GRIA2: variants seen among roughly 807,000 people sequenced by gnomAD.
GRIA2 encodes the protein glutamate ionotropic receptor AMPA type subunit 2.
Under a neutral mutation model 97.3 loss-of-function variants are expected in GRIA2, and 14 were observed. That is an observed-to-expected ratio of 0.14 (90% CI 0.10 to 0.23). The LOEUF is 0.23. GRIA2 is among the 10% of genes least tolerant of loss of function. GRIA2 has a pLI of 1.00. For synonymous variants in GRIA2, 412 were observed against 387.8 expected, an observed-to-expected ratio of 1.06 and a Z score of -0.73; for missense variants, 558 against 1,069.8, an observed-to-expected ratio of 0.52 and a Z score of 6.67.
At chr4:157,347,448 A>G (rs1735810919) in intron 12 of GRIA2, among the ~76,000 whole-genome samples, 1 of 152,316 alleles carries the variant, frequency 6.6e-6, no homozygotes, top group East Asian at 1.9e-4. Context: ...ATTCCTTTTC[A>G]TACCAATAGC....
intron 2 of GRIA2, among the ~76,000 whole-genome samples, chr4:157,273,750 G>T (rs1365598109): frequency 6.6e-6 from 1 of 151,966 alleles, no homozygotes; most frequent in African/African-American, 2.4e-5. Context: ...ACTACAAACA[G>T]TGTAACATAC....
At chr4:157,234,495 A>G (rs1730157373) in intron 2 of GRIA2, among the ~76,000 whole-genome samples, 1 of 152,148 alleles carries the variant, frequency 6.6e-6, no homozygotes, top group Non-Finnish European at 1.5e-5. Context: ...TGGATAAATA[A>G]CAAGAACTAA....
chr4:157,305,011 G>A (rs950902288), intron 3 of GRIA2, among the ~76,000 whole-genome samples: 2 of 152,096 alleles, frequency 1.3e-5, no homozygotes, highest in Admixed American at 6.5e-5. Context: ...AGAAGGGAGT[G>A]CTTTGCTATT....
intron 2 of GRIA2, among the ~76,000 whole-genome samples, chr4:157,259,564 TG>T (rs1449698333): frequency 6.6e-6 from 1 of 152,116 alleles, no homozygotes; most frequent in Non-Finnish European, 1.5e-5. Flanking sequence ...TCCTGTGTCC[TG>T]GAAGAAGAAC....
At chr4:157,274,808 A>T (rs1732208411) in intron 2 of GRIA2, among the ~76,000 whole-genome samples, 1 of 151,968 alleles carries the variant, frequency 6.6e-6, no homozygotes, top group South Asian at 2.1e-4. Context: ...TGCTATTGTG[A>T]ATAGTGCTGC....
chr4:157,355,600 A>ATTTATATATATT lies in GRIA2; in HGVS notation c.2044-4295_2044-4294insTTATATATATTT, dbSNP rs1254288116. 2.6e-3 allele frequency among the ~76,000 whole-genome samples: 265 copies of ATTTATATATATT among 102,600 alleles called. 7 individuals carry two copies. In the East Asian group the frequency reaches 0.055, roughly 21 times the overall value. The allele number at this position is 102,600 out of a possible 152,430, so 67.3% of individuals were successfully genotyped here. ...TATATATATATATTTATTTATATAT[A>ATTTATATATATT]TATTTATATATATTTATTTATATAT... On this transcript the variant is annotated intron_variant, in intron 12 of 15. Transcript: ENST00000264426.
chr4:157,226,745 T>C (rs1579285715), intron 2 of GRIA2, among the ~76,000 whole-genome samples: 1 of 152,118 alleles, frequency 6.6e-6, no homozygotes, highest in African/African-American at 2.4e-5. Context: ...TTTGTTGAGG[T>C]ATTTACTAAC....
At chr4:157,322,202 A>G (rs546779162) in intron 6 of GRIA2, among the ~76,000 whole-genome samples, 3 of 150,850 alleles carry the variant, frequency 2.0e-5, no homozygotes, top group Non-Finnish European at 4.4e-5. Flanking sequence ...CCACAAAGAG[A>G]GAGAGAGAGA....
chr4:157,292,154 AC>A (rs991352822), intron 2 of GRIA2, among the ~76,000 whole-genome samples: 30 of 152,194 alleles, frequency 2.0e-4, no homozygotes, highest in African/African-American at 7.2e-4. Context: ...AACAATAGGT[AC>A]AAAAATTTTG....
intron 5 of GRIA2, among the ~76,000 whole-genome samples, chr4:157,318,005 T>C (rs112085239): frequency 0.02 from 3,020 of 152,154 alleles, 110 homozygotes; most frequent in African/African-American, 0.068. Flanking sequence ...TATAGCTTGA[T>C]TATATTTGAT....
Position 157,221,141 on chromosome 4 carries a change from TTTGTGCTATGCTTTTGAA to T in GRIA2, c.88+18_88+35del, listed in dbSNP as rs1729474256. On this transcript the variant is annotated intron_variant, in intron 1 of 15. Transcript: ENST00000264426. The stretch of plus-strand genomic sequence containing the variant: ...ACAGCATACAGATAGGTAGGTACCC[TTTGTGCTATGCTTTTGAA>T]TTGTGCATAATTTGGTGGTAATCTT... The T allele has an allele frequency of 7.7e-7, 1 of 1,304,138 alleles. No homozygotes were observed. The allele number at this position is 1,304,138 out of a possible 1,614,324, so 80.8% of individuals were successfully genotyped here. A position where few individuals can be genotyped will look rare whatever the true frequency, so the allele number is the denominator to read the frequency against.
Position 157,268,452 on chromosome 4 carries a change from AT to A in GRIA2, c.230-35099del, listed in dbSNP as rs770940593. Among the ~76,000 whole-genome samples, 102 of 152,030 alleles carry A rather than the reference AT, an allele frequency of 6.7e-4. 1 individual carries two copies. Among genetic ancestry groups the A allele is most frequent in the Non-Finnish European group, 1.2e-3 (81 of 67,962 alleles). ...CGTCTCAGTTTTCTTATAGTGAAAA[AT>A]AATAGTACATACCTCAAAATATTTT... is the stretch of plus-strand genomic sequence containing the variant. On this transcript the variant is annotated intron_variant, in intron 2 of 15. Coordinates refer to ENST00000264426, the MANE Select transcript of GRIA2 (RefSeq NM_001083619.3).
chr4:157,341,004 A>G (rs1735523934), intron 11 of GRIA2, among the ~76,000 whole-genome samples: 1 of 152,044 alleles, frequency 6.6e-6, no homozygotes, highest in Non-Finnish European at 1.5e-5. Context: ...GATTCATGTC[A>G]TAAACTATTT....
intron 6 of GRIA2, among the ~76,000 whole-genome samples, chr4:157,331,100 C>G (rs183514379): frequency 6.6e-6 from 1 of 152,054 alleles, no homozygotes; most frequent in East Asian, 1.9e-4. Flanking sequence ...TCTCTCAACC[C>G]AGAATTGTGT....
intron 12 of GRIA2, 51 bp downstream of exon 12, chr4:157,341,513 A>G (rs749691920): frequency 1.6e-5 from 21 of 1,286,218 alleles, no homozygotes; most frequent in Middle Eastern, 2.0e-4. Flanking sequence ...AATTTAACCT[A>G]TTTAAACTTT....
chr4:157,357,867 C>A lies in GRIA2; in HGVS notation c.2044-2029C>A, dbSNP rs867477470. Among the ~76,000 whole-genome samples the A allele has an allele frequency of 1.4e-4, 21 of 151,926 alleles. No individual in the cohort carries two copies. The South Asian group carries it at 2.3e-3, about 17-fold the overall frequency. On this transcript the variant is annotated intron_variant, in intron 12 of 15. Coordinates refer to ENST00000264426, the MANE Select transcript of GRIA2 (RefSeq NM_001083619.3). Reference sequence around the variant, plus strand: ...CTTAGAGAAATATTCTTAAAACCAGCCGAAAATATTTTATGAATGAAACAG... The same window carrying A: ...CTTAGAGAAATATTCTTAAAACCAGACGAAAATATTTTATGAATGAAACAG...
At chr4:157,307,998 A>G (rs1038063778) in intron 3 of GRIA2, among the ~76,000 whole-genome samples, 2 of 152,254 alleles carry the variant, frequency 1.3e-5, no homozygotes, top group Non-Finnish European at 2.9e-5. Flanking sequence ...GCTTGAAAGA[A>G]TAAGTACAGT....
intron 2 of GRIA2, among the ~76,000 whole-genome samples, chr4:157,240,833 A>G (rs1579296818): frequency 1.3e-5 from 2 of 151,890 alleles, no homozygotes; most frequent in African/African-American, 4.8e-5. Flanking sequence ...AGCATTAGGT[A>G]TATCTCCCAA....
Position 157,361,598 on chromosome 4 carries a change from A to G in GRIA2, c.2406+474A>G. The G allele has an allele frequency of 2.5e-6, 4 of 1,613,268 alleles. No individual in the cohort carries two copies. The highest frequency in any genetic ancestry group is 3.4e-6 in the Non-Finnish European group (4 of 1,179,360). On this transcript the variant is annotated intron_variant, in intron 14 of 15. Transcript: ENST00000264426. This position sits in a 1 kb window ranked among gnomAD's most constrained non-coding sequence, Gnocchi z 5.2. ...AGCAAGGCGTCTTAGACAAGCTGAA[A>G]AACAAATGGTGGTACGATAAAGGTG...
Sources: gnomAD v4.1 joint callset for allele counts (sites outside exome capture counted in the v4.1 genomes callset) on GRCh38, gnomAD v4.1.1 for gene constraint, Gnocchi (gnomAD v3.1) non-coding constraint, MANE v1.5 for transcripts, NCBI Gene and HGNC (gene_info 2026-07-23, HGNC 2026-07-21) for gene names.